Variants in EXT1 observed in about 807,000 individuals in gnomAD.
EXT1 encodes exostosin glycosyltransferase 1, also known as exostosin-1.
A neutral mutation model predicts 82.5 loss-of-function variants in EXT1; 20 were observed. The ratio of observed to expected loss-of-function variants is 0.24; its 90% CI spans 0.17 to 0.35. The LOEUF is 0.35. Ranked by LOEUF, EXT1 falls within the 10% of genes least tolerant of loss-of-function variation. The pLI is 1.00. For synonymous variants in EXT1, 348 were observed against 350.8 expected (o/e 0.99, Z 0.09); for missense variants, 757 against 936.5 (o/e 0.81, Z 2.50).
intron 1 of EXT1, among the ~76,000 whole-genome samples, chr8:118,077,546 T>TA (rs1488231129): frequency 1.3e-5 from 2 of 152,292 alleles, no homozygotes; most frequent in Admixed American, 1.3e-4. Flanking sequence ...CAAGGCTTGG[T>TA]ACACTGGAAG....
rs76555305 is a variant in EXT1, at chr8:117,795,111, G to A, written c.*4601C>T. On this transcript the variant is annotated 3_prime_UTR_variant, in exon 11 of 11. Coordinates refer to ENST00000378204, the MANE Select transcript of EXT1 (RefSeq NM_000127.3). ...CATTACAAAACCAGAGTGACTGAAAGGCTAGCCTGACTTGATTTTAAACAA... is the reference window on the plus strand; with the variant it reads ...CATTACAAAACCAGAGTGACTGAAAAGCTAGCCTGACTTGATTTTAAACAA... The A allele has an allele frequency of 0.028, 4,266 of 152,278 alleles. 116 individuals are homozygous for A. Among genetic ancestry groups the A allele is most frequent in the Admixed American group, 0.086 (1,322 of 15,290 alleles). 9.4% of individuals were successfully genotyped at this position (152,278 alleles called of 1,614,324 possible). A position where few individuals can be genotyped will look rare whatever the true frequency, so the allele number is the denominator to read the frequency against.
At chr8:117,888,967 A>G (rs1813196681) in intron 1 of EXT1, among the ~76,000 whole-genome samples, 1 of 152,182 alleles carries the variant, frequency 6.6e-6, no homozygotes, top group Non-Finnish European at 1.5e-5. Context: ...TGATATTCCT[A>G]CGGTCAACCA....
intron 1 of EXT1, among the ~76,000 whole-genome samples, chr8:118,054,614 T>C (rs1456729751): frequency 6.6e-6 from 1 of 152,176 alleles, no homozygotes; most frequent in Non-Finnish European, 1.5e-5. Flanking sequence ...CATTTTTCCC[T>C]AGGACTAAAG....
intron 1 of EXT1, among the ~76,000 whole-genome samples, chr8:118,028,313 C>T (rs1258009255): frequency 6.6e-6 from 1 of 152,208 alleles, no homozygotes; most frequent in Non-Finnish European, 1.5e-5. Flanking sequence ...CTTTCCAAAA[C>T]ATATTTCCAG....
chr8:117,818,421 C>T lies in EXT1; in HGVS notation c.1632+14G>A. On this transcript the variant is annotated intron_variant, in intron 7 of 10. Coordinates refer to ENST00000378204, the MANE Select transcript of EXT1 (RefSeq NM_000127.3). ...CCACAGTGGTTCCACATATAGGTCC[C>T]CTTCGAGTCTTACCTTGCTCTCTCC... is the stretch of plus-strand genomic sequence containing the variant. The T allele has an allele frequency of 6.2e-7, 1 of 1,612,850 alleles. No individual in the cohort carries two copies. Among genetic ancestry groups the T allele is most frequent in the Non-Finnish European group, 8.5e-7 (1 of 1,178,878 alleles).
chr8:117,853,216 T>G (rs972532004), intron 1 of EXT1, among the ~76,000 whole-genome samples: 3 of 152,160 alleles, frequency 2.0e-5, no homozygotes, highest in African/African-American at 7.2e-5. Context: ...AAACAAAGGT[T>G]AGGACTCCAT....
chr8:117,903,187 T>C (rs1813481572), intron 1 of EXT1, among the ~76,000 whole-genome samples: 1 of 152,226 alleles, frequency 6.6e-6, no homozygotes, highest in Admixed American at 6.5e-5. Flanking sequence ...AGGAGCATTT[T>C]ATTATATCCA....
In EXT1 at chr8:118,041,665, AGAAGGAAGGAAGGAAGGAAGGAAG is replaced by A. The variant is rs57360744; in HGVS notation, c.962+68396_962+68419del. Among the ~76,000 whole-genome samples, 140 of 125,184 alleles carry A rather than the reference AGAAGGAAGGAAGGAAGGAAGGAAG, an allele frequency of 1.1e-3. 1 individual carries two copies. Among genetic ancestry groups the A allele is most frequent in the African/African-American group, 1.4e-3 (45 of 32,608 alleles). The allele number at this position is 125,184 out of a possible 152,430, so 82.1% of individuals were successfully genotyped here. On this transcript the variant is annotated intron_variant, in intron 1 of 10. Transcript: ENST00000378204. ...AAGAAAAAGAAAGAAAGAGAGAGAA[AGAAGGAAGGAAGGAAGGAAGGAAG>A]GAAGGAAGGAAGGAAGGAAGGAAGG...
intron 1 of EXT1, among the ~76,000 whole-genome samples, chr8:118,077,700 A>C (rs1427596273): frequency 6.6e-6 from 1 of 152,204 alleles, no homozygotes; most frequent in East Asian, 1.9e-4. Flanking sequence ...TAAATATCAA[A>C]CAAAGTGACA....
rs372575361 is a variant in EXT1 at position 117,867,260 on chromosome 8, G to GAAAAAAAAAAAAAAAAAA, written c.963-30060_963-30059insTTTTTTTTTTTTTTTTTT. On this transcript the variant is annotated intron_variant, in intron 1 of 10. Coordinates refer to ENST00000378204, the MANE Select transcript of EXT1 (RefSeq NM_000127.3). ...GGCGACAGAGTGAGACTCCACCTCA[G>GAAAAAAAAAAAAAAAAAA]AAAAAAAAAAAAAGCTTGAGGAAAT... 4.5e-4 allele frequency among the ~76,000 whole-genome samples: 44 copies of GAAAAAAAAAAAAAAAAAA among 98,872 alleles called. 2 individuals are homozygous for GAAAAAAAAAAAAAAAAAA. The highest frequency in any genetic ancestry group is 5.4e-4 in the Admixed American group (5 of 9,292). The allele number at this position is 98,872 out of a possible 152,430, so 64.9% of individuals were successfully genotyped here.
At chr8:118,049,000 AC>A (rs1816674577) in intron 1 of EXT1, among the ~76,000 whole-genome samples, 1 of 152,180 alleles carries the variant, frequency 6.6e-6, no homozygotes, top group African/African-American at 2.4e-5. Context: ...AAGCTCTGAT[AC>A]CCACTCCCCC....
chr8:118,051,421 G>A (rs1047661939), intron 1 of EXT1, among the ~76,000 whole-genome samples: 6 of 152,002 alleles, frequency 3.9e-5, no homozygotes, highest in East Asian at 1.9e-4. Context: ...TTTTATTCTC[G>A]CTATAAAACA....
chr8:117,837,653 T>C (rs771072827), intron 1 of EXT1, among the ~76,000 whole-genome samples: 1 of 152,142 alleles, frequency 6.6e-6, no homozygotes, highest in Non-Finnish European at 1.5e-5. Flanking sequence ...TTAAAAACTA[T>C]TCAGAAAACC....
rs1817799450 is a variant in EXT1, at chr8:118,106,107, A to G, written c.962+3978T>C. On this transcript the variant is annotated intron_variant, in intron 1 of 10. Transcript: ENST00000378204. ...AGTTTGTAAGTCTGAGGATGCCCTC[A>G]GCGGGAGGTGTGTGTCAGCCCCTGA... Among the ~76,000 whole-genome samples, 3 of 152,244 alleles carry G rather than the reference A, an allele frequency of 2.0e-5. No homozygotes were observed. The South Asian group carries it at 6.2e-4, about 32-fold the overall frequency.
chr8:117,824,938 C>T (rs1811986294), intron 4 of EXT1, among the ~76,000 whole-genome samples: 1 of 152,058 alleles, frequency 6.6e-6, no homozygotes, highest in South Asian at 2.1e-4. Flanking sequence ...GTGGTCATGG[C>T]TCTGTGCAGC....
chr8:117,916,729 A>G (rs1308741696), intron 1 of EXT1, among the ~76,000 whole-genome samples: 2 of 151,962 alleles, frequency 1.3e-5, no homozygotes, highest in Admixed American at 1.3e-4. Flanking sequence ...TCTGGCCAAC[A>G]TGGTGAAACC....
chr8:118,032,699 G>A (rs1179884603), intron 1 of EXT1, among the ~76,000 whole-genome samples: 1 of 151,750 alleles, frequency 6.6e-6, no homozygotes, highest in East Asian at 1.9e-4. Flanking sequence ...TAGTAGGGAC[G>A]AGGTTTCTCC....
At chr8:118,071,557 G>A (rs1737578254) in intron 1 of EXT1, among the ~76,000 whole-genome samples, 1 of 152,076 alleles carries the variant, frequency 6.6e-6, no homozygotes, top group African/African-American at 2.4e-5. Flanking sequence ...GTAAGGCTAA[G>A]AAAAGGATTG....
intron 1 of EXT1, among the ~76,000 whole-genome samples, chr8:117,964,623 G>GTGTTTGTTTGTT (rs879779532): frequency 6.7e-6 from 1 of 149,730 alleles, no homozygotes; most frequent in Non-Finnish European, 1.5e-5. Context: ...GTGTGTGTGT[G>GTGTTTGTTTGTT]TGTTTGTTTG....
Sources: allele counts gnomAD v4.1 joint callset (sites outside exome capture counted in the v4.1 genomes callset), GRCh38; gene constraint gnomAD v4.1.1; transcripts MANE v1.5; gene names NCBI Gene and HGNC (gene_info 2026-07-23, HGNC 2026-07-21).